SPC25: variants seen among roughly 807,000 people sequenced by gnomAD.
SPC25 encodes kinetochore protein Spc25.
Under a neutral mutation model 29.6 loss-of-function variants are expected in SPC25, and 22 were observed. The ratio of observed to expected loss-of-function variants is 0.74; its 90% CI spans 0.53 to 1.06. The LOEUF (loss-of-function observed/expected upper bound fraction) is 1.06, where lower values mean the gene tolerates loss of function less well. Among genes scored for constraint, SPC25 ranks in the 50% least tolerant of loss-of-function variants. The probability of loss-of-function intolerance (pLI) is 0.00; values close to 1 mark genes in which losing one functional copy is unlikely to be tolerated. For synonymous variants in SPC25, 91 were observed against 90.4 expected (o/e 1.01, Z -0.04); for missense variants, 230 against 255.8 (o/e 0.90, Z 0.69).
At chr2:168,862,402 G>GAAAC (rs1251659499) in intron 4 of SPC25, among the ~76,000 whole-genome samples, 2 of 151,698 alleles carry the variant, frequency 1.3e-5, no homozygotes, top group African/African-American at 4.8e-5. Flanking sequence ...TTTGAACTTG[G>GAAAC]AAACACAGTC....
chr2:168,890,033 G>A (rs1455232607), intron 1 of SPC25, among the ~76,000 whole-genome samples: 1 of 152,036 alleles, frequency 6.6e-6, no homozygotes, highest in African/African-American at 2.4e-5. Context: ...AAGTCACCTC[G>A]GGCCTCAGTA....
Position 168,873,689 on chromosome 2 carries a change from A to G in SPC25, c.452-6T>C, listed in dbSNP as rs771279391. ...AATAAACTGCAATTTCTCACCTGAA[A>G]AGAGATTAAACTATTTAGTGTGTCA... On this transcript the variant is annotated splice_polypyrimidine_tract_variant and splice_region_variant and intron_variant, in intron 5 of 6. Coordinates refer to ENST00000282074, the MANE Select transcript of SPC25 (RefSeq NM_020675.4). The G allele has an allele frequency of 6.3e-7, 1 of 1,586,708 alleles. No homozygotes were observed. The highest frequency in any genetic ancestry group is 8.6e-7 in the Non-Finnish European group (1 of 1,156,172).
At chr2:168,889,774 G>A (rs1690358842) in intron 1 of SPC25, among the ~76,000 whole-genome samples, 2 of 152,110 alleles carry the variant, frequency 1.3e-5, no homozygotes, top group Non-Finnish European at 2.9e-5. Flanking sequence ...AACTGCACAG[G>A]ACACTCACAC....
chr2:168,872,427 G>A (rs1227561615), intron 6 of SPC25, among the ~76,000 whole-genome samples: 3 of 152,252 alleles, frequency 2.0e-5, no homozygotes, highest in Non-Finnish European at 4.4e-5. Context: ...TCAAAGTCAC[G>A]AATAACAGTA....
chr2:168,881,780 A>C (rs931901798), intron 3 of SPC25, among the ~76,000 whole-genome samples: 1 of 152,244 alleles, frequency 6.6e-6, no homozygotes, highest in African/African-American at 2.4e-5. Flanking sequence ...TCCAAGGATG[A>C]GTAATCTTTT....
chr2:168,875,923 G>A (rs1690076385), intron 5 of SPC25, 149 bp downstream of exon 5: 1 of 461,812 alleles, frequency 2.2e-6, no homozygotes, highest in Non-Finnish European at 3.8e-6. Flanking sequence ...AGCTACATTA[G>A]AATAATTTAA....
intron 3 of SPC25, among the ~76,000 whole-genome samples, 178 bp downstream of exon 3, chr2:168,889,026 TATATATACATATATATATACAC>T (rs1473783911): frequency 3.9e-5 from 2 of 51,748 alleles, no homozygotes; most frequent in Admixed American, 1.8e-4. Context: ...TATATACACA[TATATATACATATATATATACAC>T]ATATATATAC....
chr2:168,863,324 C>A, intron 4 of SPC25: 1 of 832,796 alleles, frequency 1.2e-6, no homozygotes, highest in Non-Finnish European at 1.4e-6. Context: ...TGATTTATGA[C>A]TAAGAAAATG....
At chr2:168,883,752 G>C (rs920309025) in intron 3 of SPC25, among the ~76,000 whole-genome samples, 1 of 151,438 alleles carries the variant, frequency 6.6e-6, no homozygotes, top group Admixed American at 6.6e-5. Context: ...AGGAGTCCTC[G>C]ATGCTGTATG....
intron 4 of SPC25, chr2:168,865,113 C>CATG (rs1481118720): frequency 8.3e-6 from 7 of 839,132 alleles, no homozygotes; most frequent in African/African-American, 6.8e-5. Flanking sequence ...ACTTTGCATT[C>CATG]ATGATTATTA....
downstream of SPC25, among the ~76,000 whole-genome samples, chr2:168,867,901 AT>A (rs1376482485): frequency 6.6e-6 from 1 of 152,198 alleles, no homozygotes; most frequent in African/African-American, 2.4e-5. Flanking sequence ...CAGAATATAC[AT>A]TTTTTTCAGC....
intron 3 of SPC25, chr2:168,884,795 T>C (rs1690234214): frequency 6.6e-6 from 1 of 151,398 alleles, no homozygotes; most frequent in African/African-American, 2.4e-5. Flanking sequence ...TCATAATCTC[T>C]CTGGGACTGC....
At chr2:168,863,668 C>T (rs1574349015) in intron 4 of SPC25, 1 of 867,232 alleles carries the variant, frequency 1.2e-6, no homozygotes, top group South Asian at 5.9e-5. Context: ...CTGTGCAAAG[C>T]TGTGAGTGAG....
intron 3 of SPC25, among the ~76,000 whole-genome samples, chr2:168,882,434 G>A (rs561548508): frequency 2.0e-5 from 3 of 152,218 alleles, no homozygotes; most frequent in South Asian, 2.1e-4. Context: ...GTGAAACCTC[G>A]TCTCTGCTAA....
intron 4 of SPC25, among the ~76,000 whole-genome samples, chr2:168,862,315 C>T (rs1459481930): frequency 6.6e-6 from 1 of 152,206 alleles, no homozygotes; most frequent in Non-Finnish European, 1.5e-5. Flanking sequence ...TTGGTATTCC[C>T]ATTTCATAGC....
At chr2:168,888,955 G>GTA (rs1449001530) in intron 3 of SPC25, among the ~76,000 whole-genome samples, 902 of 59,300 alleles carry the variant, frequency 0.015, 79 homozygotes, top group African/African-American at 0.046. Context: ...GTGTGTGTGT[G>GTA]TGTATATATA....
At chr2:168,875,437 A>G (rs1690067810) in intron 5 of SPC25, among the ~76,000 whole-genome samples, 1 of 152,206 alleles carries the variant, frequency 6.6e-6, no homozygotes, top group South Asian at 2.1e-4. Context: ...GATAAAGTTT[A>G]TGTTGTAAAT....
intron 3 of SPC25, among the ~76,000 whole-genome samples, chr2:168,888,970 TATACACACACAC>T (rs1690326188): frequency 1.1e-5 from 1 of 92,102 alleles, no homozygotes; most frequent in Non-Finnish European, 2.0e-5. Context: ...TATATATATA[TATACACACACAC>T]ATATATATGT....
chr2:168,888,540 G>C (rs1690311872), intron 3 of SPC25, among the ~76,000 whole-genome samples: 2 of 152,064 alleles, frequency 1.3e-5, no homozygotes. Flanking sequence ...GGGCAACAGA[G>C]CGAGACTCTG....
Sources: allele counts gnomAD v4.1 joint callset (sites outside exome capture counted in the v4.1 genomes callset), GRCh38; gene constraint gnomAD v4.1.1; transcripts MANE v1.5; gene names NCBI Gene and HGNC (gene_info 2026-07-23, HGNC 2026-07-21).